Variants in TMEM132D observed in about 807,000 individuals in gnomAD.
TMEM132D encodes the protein mature OL transmembrane protein.
Under a neutral mutation model 62.3 loss-of-function variants are expected in TMEM132D, and 21 were observed. That is an observed-to-expected ratio of 0.34 (90% CI 0.24 to 0.49). The LOEUF is 0.49. TMEM132D is among the 20% of genes least tolerant of loss of function. The pLI, the probability that TMEM132D is intolerant of heterozygous loss-of-function variation, is 0.99. For missense variants in TMEM132D, 1,346 were observed against 1,402.8 expected, an observed-to-expected ratio of 0.96 and a Z score of 0.65; for synonymous variants, 621 against 575.6, an observed-to-expected ratio of 1.08 and a Z score of -1.13.
chr12:129,555,348 C>T (rs192617411), intron 2 of TMEM132D, among the ~76,000 whole-genome samples: 1 of 152,292 alleles, frequency 6.6e-6, no homozygotes, highest in African/African-American at 2.4e-5. Context: ...TTTCACGGAA[C>T]AAGCCTAAGG....
chr12:129,315,030 C>T (rs1055164989), intron 4 of TMEM132D, among the ~76,000 whole-genome samples: 5 of 152,072 alleles, frequency 3.3e-5, no homozygotes, highest in African/African-American at 1.2e-4. Context: ...TTCATCAGTT[C>T]TAGGAGCTTT....
At chr12:129,815,888 A>G (rs1286688730) in intron 1 of TMEM132D, among the ~76,000 whole-genome samples, 4 of 152,352 alleles carry the variant, frequency 2.6e-5, no homozygotes, top group East Asian at 1.9e-4. Context: ...TATGAATTCA[A>G]TGTAAGTGAA....
intron 1 of TMEM132D, among the ~76,000 whole-genome samples, chr12:129,728,366 G>C (rs1869110437): frequency 6.6e-6 from 1 of 152,092 alleles, no homozygotes; most frequent in African/African-American, 2.4e-5. Context: ...TTTTGCTTCT[G>C]AGTGAGAACA....
At chr12:129,839,235 T>C (rs1365861616) in intron 1 of TMEM132D, among the ~76,000 whole-genome samples, 1 of 149,042 alleles carries the variant, frequency 6.7e-6, no homozygotes, top group East Asian at 2.0e-4. Flanking sequence ...TTTCAAGCAA[T>C]TCTTCTGCCT....
At chr12:129,392,106 G>T (rs190780879) in intron 3 of TMEM132D, among the ~76,000 whole-genome samples, 25 of 151,442 alleles carry the variant, frequency 1.7e-4, no homozygotes, top group East Asian at 9.8e-4. Context: ...TGCCCAGGCT[G>T]GAGGGCAATG....
chr12:129,597,664 G>T (rs537098825), intron 2 of TMEM132D, among the ~76,000 whole-genome samples: 2 of 152,200 alleles, frequency 1.3e-5, no homozygotes, highest in Non-Finnish European at 1.5e-5. Context: ...AAACAAAAAT[G>T]TATAGTCAGG....
Position 129,779,429 on chromosome 12 carries a change from C to T in TMEM132D, c.80-78731G>A, listed in dbSNP as rs1871049392. Among the ~76,000 whole-genome samples the T allele has an allele frequency of 6.6e-6, 1 of 152,094 alleles. No homozygotes were observed. Among genetic ancestry groups the T allele is most frequent in the South Asian group, 2.1e-4 (1 of 4,826 alleles). On this transcript the variant is annotated intron_variant, in intron 1 of 8. Transcript: ENST00000422113. This position sits in a 1 kb window ranked among gnomAD's most constrained non-coding sequence, Gnocchi z 4.1. ...TCAGCCTCCCAAGTAGCAGGAACTG[C>T]AGGTGTCCACCCACCATGCCCAGCT...
At chr12:129,415,398 T>G (rs1460979198) in intron 3 of TMEM132D, among the ~76,000 whole-genome samples, 1 of 152,216 alleles carries the variant, frequency 6.6e-6, no homozygotes, top group Non-Finnish European at 1.5e-5. Context: ...CATAGTAGAT[T>G]GGTATACGGG....
At chr12:129,548,810 GAA>G (rs1876811327) in intron 2 of TMEM132D, among the ~76,000 whole-genome samples, 1 of 152,232 alleles carries the variant, frequency 6.6e-6, no homozygotes, top group African/African-American at 2.4e-5. Flanking sequence ...CAGAAATGCA[GAA>G]GAGAAAGCAC....
chr12:129,445,267 A>T (rs1446295545), intron 3 of TMEM132D, among the ~76,000 whole-genome samples: 3 of 152,166 alleles, frequency 2.0e-5, no homozygotes, highest in Non-Finnish European at 4.4e-5. Context: ...TGATGAGAAC[A>T]CATGGACACA....
At chr12:129,340,311 C>CTT (rs201953960) in intron 3 of TMEM132D, among the ~76,000 whole-genome samples, 2 of 151,210 alleles carry the variant, frequency 1.3e-5, no homozygotes, top group African/African-American at 4.9e-5. Context: ...AATTCTTTTT[C>CTT]TTTTTTTTTA....
intron 1 of TMEM132D, among the ~76,000 whole-genome samples, chr12:129,738,097 C>T (rs1462960274): frequency 6.6e-6 from 1 of 152,232 alleles, no homozygotes; most frequent in South Asian, 2.1e-4. Context: ...TAAATGACTC[C>T]TCCATTCGTT....
At chr12:129,367,658 A>C (rs1357399320) in intron 3 of TMEM132D, among the ~76,000 whole-genome samples, 2 of 152,152 alleles carry the variant, frequency 1.3e-5, no homozygotes, top group African/African-American at 4.8e-5. Context: ...GGCAGAGAGA[A>C]AGGCCTGGGG....
chr12:129,361,825 A>G (rs1870256441), intron 3 of TMEM132D, among the ~76,000 whole-genome samples: 2 of 152,240 alleles, frequency 1.3e-5, no homozygotes, highest in Non-Finnish European at 2.9e-5. Context: ...AGAATTAAAT[A>G]TGTTAGGGTT....
At chr12:129,198,317 A>G (rs1472585585) in intron 5 of TMEM132D, among the ~76,000 whole-genome samples, 1 of 152,210 alleles carries the variant, frequency 6.6e-6, no homozygotes. Flanking sequence ...TTCTGGGTAT[A>G]TACCCCAAAG....
At chr12:129,193,268 A>T (rs1878458984) in intron 5 of TMEM132D, among the ~76,000 whole-genome samples, 1 of 152,110 alleles carries the variant, frequency 6.6e-6, no homozygotes, top group Non-Finnish European at 1.5e-5. Flanking sequence ...TTAAGGTGAC[A>T]TATGGCATAT....
intron 5 of TMEM132D, among the ~76,000 whole-genome samples, chr12:129,195,947 T>C (rs973233393): frequency 5.9e-5 from 9 of 152,020 alleles, no homozygotes; most frequent in East Asian, 1.9e-4. Flanking sequence ...GCCAACGTGG[T>C]GAAACCCCAT....
At chr12:129,484,853 A>C (rs551284267) in intron 3 of TMEM132D, among the ~76,000 whole-genome samples, 1 of 152,386 alleles carries the variant, frequency 6.6e-6, no homozygotes, top group East Asian at 1.9e-4. Flanking sequence ...TTAAGAATTC[A>C]AAATTTTTTT....
At chr12:129,389,723 C>G (rs1871243591) in intron 3 of TMEM132D, among the ~76,000 whole-genome samples, 1 of 152,324 alleles carries the variant, frequency 6.6e-6, no homozygotes, top group African/African-American at 2.4e-5. Flanking sequence ...TGGACCCTTT[C>G]CTGTATGTGG....
Sources: allele counts gnomAD v4.1 joint callset (sites outside exome capture counted in the v4.1 genomes callset), GRCh38; gene constraint gnomAD v4.1.1; non-coding constraint Gnocchi (gnomAD v3.1); transcripts MANE v1.5; gene names NCBI Gene and HGNC (gene_info 2026-07-23, HGNC 2026-07-21).